The following NRXN1 variants were observed in gnomAD, a reference collection of about 807,000 sequenced individuals.
The protein encoded by NRXN1 is neurexin-1.
A neutral mutation model predicts 150.9 loss-of-function variants in NRXN1; 39 were observed. The ratio of observed to expected loss-of-function variants is 0.26; its 90% CI spans 0.20 to 0.34. NRXN1 has a LOEUF of 0.34. NRXN1 is among the 10% of genes least tolerant of loss of function. The pLI is 1.00. For missense variants in NRXN1, 1,815 were observed against 1,949.9 expected, an observed-to-expected ratio of 0.93 and a Z score of 1.30; for synonymous variants, 924 against 757.0, an observed-to-expected ratio of 1.22 and a Z score of -3.62.
chr2:50,124,004 G>C (rs759561952), intron 18 of NRXN1, among the ~76,000 whole-genome samples: 1 of 152,102 alleles, frequency 6.6e-6, no homozygotes, highest in Non-Finnish European at 1.5e-5. Context: ...GAGAGAATGG[G>C]ATATCCAGGG....
intron 8 of NRXN1, among the ~76,000 whole-genome samples, chr2:50,591,543 A>T (rs1558985415): frequency 6.6e-6 from 1 of 152,154 alleles, no homozygotes; most frequent in Non-Finnish European, 1.5e-5. Flanking sequence ...GGTCCCAGGA[A>T]GTTCTGAGTT....
chr2:50,758,014 A>C (rs897615152), intron 5 of NRXN1: 4 of 151,650 alleles, frequency 2.6e-5, no homozygotes, highest in Non-Finnish European at 2.9e-5. Context: ...TACTTGAGGG[A>C]ATATATGTAA....
intron 18 of NRXN1, among the ~76,000 whole-genome samples, chr2:50,162,540 A>G (rs924196269): frequency 2.6e-5 from 4 of 152,164 alleles, no homozygotes; most frequent in African/African-American, 7.2e-5. Flanking sequence ...TGTGGCAGAA[A>G]TGGAACCAGA....
At chr2:50,199,050 A>T (rs1574454443) in intron 18 of NRXN1, 1 of 152,174 alleles carries the variant, frequency 6.6e-6, no homozygotes, top group Non-Finnish European at 1.5e-5. Context: ...AAGTGAAACA[A>T]TCAGTCCTCT....
intron 5 of NRXN1, among the ~76,000 whole-genome samples, chr2:50,705,893 A>G (rs1694364468): frequency 6.6e-6 from 1 of 152,180 alleles, no homozygotes; most frequent in Admixed American, 6.5e-5. Flanking sequence ...AAACAAAAAC[A>G]ATCAGAGGCT....
At chr2:50,018,485 C>G (rs982779151) in intron 21 of NRXN1, among the ~76,000 whole-genome samples, 8 of 152,160 alleles carry the variant, frequency 5.3e-5, no homozygotes, top group African/African-American at 1.7e-4. Flanking sequence ...ACCATGACTT[C>G]ATGACAAAAT....
intron 22 of NRXN1, among the ~76,000 whole-genome samples, chr2:49,940,577 C>G (rs1416586840): frequency 6.6e-6 from 1 of 152,042 alleles, no homozygotes; most frequent in African/African-American, 2.4e-5. Context: ...AAAACAAAAA[C>G]AAACAGAAAA....
At chr2:50,852,888 T>A (rs1213133257) in intron 5 of NRXN1, among the ~76,000 whole-genome samples, 1 of 152,102 alleles carries the variant, frequency 6.6e-6, no homozygotes, top group Admixed American at 6.6e-5. Context: ...TGAAATAGAG[T>A]CCTTTCCTCT....
chr2:50,993,137 G>C (rs915342516), intron 2 of NRXN1, among the ~76,000 whole-genome samples: 1 of 151,850 alleles, frequency 6.6e-6, no homozygotes, highest in Non-Finnish European at 1.5e-5. Flanking sequence ...TCTATTACAC[G>C]AGAGAAAGGT....
intron 5 of NRXN1, among the ~76,000 whole-genome samples, chr2:50,804,011 T>C (rs960431735): frequency 2.6e-5 from 4 of 152,140 alleles, no homozygotes; most frequent in African/African-American, 9.7e-5. Context: ...TAAAGTATAA[T>C]CCATTAACCA....
At chr2:50,724,923 C>CA (rs961060547) in intron 5 of NRXN1, among the ~76,000 whole-genome samples, 4 of 150,924 alleles carry the variant, frequency 2.7e-5, no homozygotes, top group East Asian at 1.9e-4. Context: ...AACAAATAAA[C>CA]AAAAAAACTG....
At chr2:50,515,745 G>A (rs1166795661) in intron 12 of NRXN1, among the ~76,000 whole-genome samples, 1 of 151,922 alleles carries the variant, frequency 6.6e-6, no homozygotes, top group Admixed American at 6.6e-5. Flanking sequence ...GGGGACTGTA[G>A]TCTCTGGGGT....
At chr2:50,152,555 T>C (rs894822553) in intron 18 of NRXN1, among the ~76,000 whole-genome samples, 3 of 151,814 alleles carry the variant, frequency 2.0e-5, no homozygotes, top group African/African-American at 7.2e-5. Flanking sequence ...AATTTCTCCT[T>C]CACTTTCAAA....
chr2:50,555,283 T>C (rs1216521683), intron 8 of NRXN1, among the ~76,000 whole-genome samples: 2 of 152,168 alleles, frequency 1.3e-5, no homozygotes, highest in African/African-American at 2.4e-5. Context: ...GTTTCTGACA[T>C]GAACAAGTGG....
At chr2:50,100,806 A>G (rs1285203932) in intron 18 of NRXN1, among the ~76,000 whole-genome samples, 1 of 152,128 alleles carries the variant, frequency 6.6e-6, no homozygotes, top group Non-Finnish European at 1.5e-5. Flanking sequence ...AAGTTGAAAT[A>G]GTTGCCTTTA....
intron 21 of NRXN1, among the ~76,000 whole-genome samples, chr2:49,957,566 T>C (rs1675202867): frequency 6.6e-6 from 1 of 152,170 alleles, no homozygotes; most frequent in Admixed American, 6.6e-5. Context: ...GAGAAGATTA[T>C]ATGTTTGATA....
intron 5 of NRXN1, among the ~76,000 whole-genome samples, chr2:50,720,058 C>T (rs1356889933): frequency 6.6e-6 from 1 of 152,188 alleles, no homozygotes. Context: ...CAGGGTAACA[C>T]ATTTTCAGCC....
chr2:50,059,540 T>C (rs1442727935), intron 19 of NRXN1, among the ~76,000 whole-genome samples: 2 of 152,284 alleles, frequency 1.3e-5, no homozygotes, highest in East Asian at 1.9e-4. Context: ...GAAATTTGCA[T>C]AGGTAATGAG....
chr2:50,552,506 T>C, intron 9 of NRXN1, 81 bp downstream of exon 9: 1 of 1,030,516 alleles, frequency 9.7e-7, no homozygotes, highest in South Asian at 1.5e-5. Flanking sequence ...CTTTAATATG[T>C]CTTGGTTTTC....
Sources: allele counts gnomAD v4.1 joint callset (sites outside exome capture counted in the v4.1 genomes callset), GRCh38; gene constraint gnomAD v4.1.1; transcripts MANE v1.5; gene names NCBI Gene and HGNC (gene_info 2026-07-23, HGNC 2026-07-21).